Variants in RIN3 observed in about 807,000 individuals in gnomAD.
RIN3 encodes the protein Ras and Rab interactor 3, also known as RAB5 interacting protein 3.
RIN3 carries 54 observed loss-of-function variants against 76.3 expected under a neutral mutation model. The observed-to-expected ratio is 0.71, with a 90% CI of 0.57 to 0.89. The LOEUF is 0.89. RIN3 is among the 40% of genes least tolerant of loss of function. RIN3 has a pLI of 0.00. For synonymous variants in RIN3, 576 were observed against 564.0 expected (o/e 1.02, Z -0.30); for missense variants, 1,256 against 1,322.1 (o/e 0.95, Z 0.78).
At chr14:92,560,518 C>T (rs551634692) in intron 2 of RIN3, among the ~76,000 whole-genome samples, 1 of 152,292 alleles carries the variant, frequency 6.6e-6, no homozygotes, top group African/African-American at 2.4e-5. Context: ...ACTTGATCCT[C>T]AGCGATTTCT....
chr14:92,514,374 G>A lies in RIN3; in HGVS notation c.44+398G>A, dbSNP rs1015274279. Among the ~76,000 whole-genome samples the A allele has an allele frequency of 6.6e-6, 1 of 152,186 alleles. No homozygotes were observed. Among genetic ancestry groups the A allele is most frequent in the Admixed American group, 6.5e-5 (1 of 15,290 alleles). On this transcript the variant is annotated intron_variant, in intron 1 of 9. Transcript: ENST00000216487. The surrounding 1 kb of genome is among the most constrained non-coding windows in gnomAD (Gnocchi z 7.2). ...CTCGCGGTCCCAGCCCCGCCAGCCT[G>A]CTGCACCCGCTGCTCTGCGAGTCGC...
chr14:92,681,236 G>T lies in RIN3; in HGVS notation c.2468-3751G>T, dbSNP rs910818806. Reference sequence around the variant, plus strand: ...AGCCTGCTCCAGAACTCACGGTAGGGCCGCCTGCCACCTAGTGGCCCTGGC... The same window carrying T: ...AGCCTGCTCCAGAACTCACGGTAGGTCCGCCTGCCACCTAGTGGCCCTGGC... On this transcript the variant is annotated intron_variant, in intron 8 of 9. Transcript: ENST00000216487. The surrounding 1 kb of genome is among the most constrained non-coding windows in gnomAD (Gnocchi z 4.7). Among the ~76,000 whole-genome samples, 1 of 152,154 alleles carries T rather than the reference G, an allele frequency of 6.6e-6. No homozygotes were observed. Among genetic ancestry groups the T allele is most frequent in the South Asian group, 2.1e-4 (1 of 4,826 alleles).
At chr14:92,611,325 C>G (rs541999566) in intron 3 of RIN3, among the ~76,000 whole-genome samples, 72 of 152,308 alleles carry the variant, frequency 4.7e-4, no homozygotes, top group Admixed American at 1.5e-3. Flanking sequence ...CTCGCTCTAT[C>G]CCCCAGGCTG....
intron 1 of RIN3, among the ~76,000 whole-genome samples, chr14:92,542,287 CA>C (rs56230443): frequency 8.2e-5 from 12 of 145,762 alleles, no homozygotes; most frequent in South Asian, 4.4e-4. Flanking sequence ...GACCCTGTCT[CA>C]AAAAAAAAAG....
chr14:92,687,315 G>C (rs1446154959), intron 9 of RIN3: 1 of 152,284 alleles, frequency 6.6e-6, no homozygotes, highest in Non-Finnish European at 1.5e-5. Context: ...CGTGCTGCGA[G>C]TGCCCAGCCC....
chr14:92,542,695 A>T (rs904492988), intron 1 of RIN3, among the ~76,000 whole-genome samples: 1 of 152,240 alleles, frequency 6.6e-6, no homozygotes, highest in Non-Finnish European at 1.5e-5. Flanking sequence ...GACAAGTCAA[A>T]TGTGGCATCT....
intron 8 of RIN3, among the ~76,000 whole-genome samples, chr14:92,682,272 C>T (rs1333046613): frequency 1.3e-5 from 2 of 152,328 alleles, no homozygotes; most frequent in East Asian, 3.9e-4. Flanking sequence ...TCACCACCTA[C>T]TGGACCAGGG....
chr14:92,643,927 C>CAAAA lies in RIN3; in HGVS notation c.532+2609_532+2612dup, dbSNP rs373209693. Among the ~76,000 whole-genome samples, 1 of 138,486 alleles carries CAAAA rather than the reference C, an allele frequency of 7.2e-6. No individual in the cohort carries two copies. The highest frequency in any genetic ancestry group is 2.7e-5 in the African/African-American group (1 of 37,706). 90.9% of individuals were successfully genotyped at this position (138,486 alleles called of 152,430 possible). ...TGGGCAACAGACTGAGACTCTGCCT[C>CAAAA]AAAAAAAAAAAAAATTAGAAGATCA... On this transcript the variant is annotated intron_variant, in intron 5 of 9. Transcript: ENST00000216487. The surrounding 1 kb of genome is among the most constrained non-coding windows in gnomAD (Gnocchi z 4.8).
chr14:92,636,615 C>T lies in RIN3; in HGVS notation c.441-4623C>T, dbSNP rs11844406. 3.8e-3 allele frequency among the ~76,000 whole-genome samples: 577 copies of T among 152,256 alleles called. 3 individuals carry two copies. Among genetic ancestry groups the T allele is most frequent in the African/African-American group, 0.013 (548 of 41,548 alleles). On this transcript the variant is annotated intron_variant, in intron 4 of 9. Transcript: ENST00000216487. ...ATAAAATAAAATAAATGACAGTTAT[C>T]CCATGGAATACTCTGCAGCACAGAA... is the stretch of plus-strand genomic sequence containing the variant.
At chr14:92,666,384 A>G (rs950162448) in intron 7 of RIN3, among the ~76,000 whole-genome samples, 2 of 152,236 alleles carry the variant, frequency 1.3e-5, no homozygotes, top group African/African-American at 4.8e-5. Flanking sequence ...TAAACCTAGT[A>G]TCAGCTCACT....
chr14:92,646,614 A>AT (rs754629943), intron 5 of RIN3, among the ~76,000 whole-genome samples: 3 of 151,996 alleles, frequency 2.0e-5, no homozygotes, highest in Admixed American at 6.6e-5. Context: ...TAATTTTTGT[A>AT]TTTTTAGTAG....
At chr14:92,556,375 T>C (rs1331472442) in intron 2 of RIN3, among the ~76,000 whole-genome samples, 1 of 152,152 alleles carries the variant, frequency 6.6e-6, no homozygotes, top group Non-Finnish European at 1.5e-5. Context: ...GTTTTACATA[T>C]GCAAATAAGG....
intron 2 of RIN3, among the ~76,000 whole-genome samples, chr14:92,560,270 C>A (rs1440345489): frequency 6.6e-6 from 1 of 152,150 alleles, no homozygotes; most frequent in Admixed American, 6.5e-5. Context: ...AAGGAGTCAA[C>A]CATTCCCTTC....
intron 1 of RIN3, among the ~76,000 whole-genome samples, chr14:92,515,762 G>A (rs898498008): frequency 1.3e-5 from 2 of 152,234 alleles, no homozygotes; most frequent in African/African-American, 4.8e-5. Context: ...CTGCCCCCAG[G>A]CAGCTTAGGG....
chr14:92,581,502 C>T (rs571781624), intron 3 of RIN3, among the ~76,000 whole-genome samples: 34 of 152,266 alleles, frequency 2.2e-4, no homozygotes, highest in Non-Finnish European at 3.2e-4. Flanking sequence ...GTGCTGTTCA[C>T]GGCCAGGGTG....
chr14:92,656,022 G>A lies in RIN3; in HGVS notation c.2026+2947G>A, dbSNP rs555786241. Among the ~76,000 whole-genome samples, 7 of 152,314 alleles carry A rather than the reference G, an allele frequency of 4.6e-5. No homozygotes were observed. The highest frequency in any genetic ancestry group is 4.1e-4 in the South Asian group (2 of 4,832). On this transcript the variant is annotated intron_variant, in intron 6 of 9. Transcript: ENST00000216487. The surrounding 1 kb of genome is among the most constrained non-coding windows in gnomAD (Gnocchi z 5.2). ...GCCATGAGACTGGATGAGATCATCC[G>A]GGTCTGAGGACTGAGCCACAGGCAC...
chr14:92,613,657 T>G (rs1200967069), intron 3 of RIN3, among the ~76,000 whole-genome samples: 1 of 152,182 alleles, frequency 6.6e-6, no homozygotes. Flanking sequence ...TATGTGCGTG[T>G]GGCTTTAGGG....
At position 92,587,606 on chromosome 14, in the gene RIN3, AC is replaced by A. The variant is rs531844461; in HGVS notation, c.367+10131del. On this transcript the variant is annotated intron_variant, in intron 3 of 9. Coordinates refer to ENST00000216487, the MANE Select transcript of RIN3 (RefSeq NM_024832.5). The stretch of plus-strand genomic sequence containing the variant: ...CAAGCCTGAGTGTACATGGGCTGCC[AC>A]CTTCAGGGGCCTTGCAGCTTTAGAA... Among the ~76,000 whole-genome samples, 6 of 151,792 alleles carry A rather than the reference AC, an allele frequency of 4.0e-5. No individual in the cohort carries two copies. In the South Asian group the frequency reaches 1.2e-3, roughly 31 times the overall value.
chr14:92,620,713 C>G (rs1346613760), intron 4 of RIN3, among the ~76,000 whole-genome samples: 1 of 152,090 alleles, frequency 6.6e-6, no homozygotes, highest in Admixed American at 6.5e-5. Context: ...GAAACCAACC[C>G]TAAGTTTTCC....
Sources: allele counts gnomAD v4.1 joint callset (sites outside exome capture counted in the v4.1 genomes callset), GRCh38; gene constraint gnomAD v4.1.1; non-coding constraint Gnocchi (gnomAD v3.1); transcripts MANE v1.5; gene names NCBI Gene and HGNC (gene_info 2026-07-23, HGNC 2026-07-21).